Variants in SNUPN observed in about 807,000 individuals in gnomAD.
The protein encoded by SNUPN is snurportin 1.
Under a neutral mutation model 39.2 loss-of-function variants are expected in SNUPN, and 31 were observed. The ratio of observed to expected loss-of-function variants is 0.79; its 90% CI spans 0.59 to 1.07. The LOEUF is 1.07. Among genes scored for constraint, SNUPN ranks in the 50% least tolerant of loss-of-function variants. SNUPN has a pLI of 0.00. For missense variants in SNUPN, 382 were observed against 434.2 expected (o/e 0.88, Z 1.07); for synonymous variants, 132 against 159.0 (o/e 0.83, Z 1.28).
At chr15:75,611,453 C>A (rs977147336) in intron 3 of SNUPN, among the ~76,000 whole-genome samples, 1 of 151,466 alleles carries the variant, frequency 6.6e-6, no homozygotes, top group Non-Finnish European at 1.5e-5. Flanking sequence ...GGGGTTTCAC[C>A]GTGTTAGCCA....
At chr15:75,615,257 A>G (rs1380388389) in intron 3 of SNUPN, among the ~76,000 whole-genome samples, 4 of 152,158 alleles carry the variant, frequency 2.6e-5, no homozygotes, top group African/African-American at 9.6e-5. Flanking sequence ...TCCTGGCCTT[A>G]GCCTCCCAAA....
chr15:75,610,095 A>G (rs1411586281), intron 3 of SNUPN, 101 bp from the exon 4 acceptor site: 1 of 915,394 alleles, frequency 1.1e-6, no homozygotes, highest in East Asian at 2.6e-5. Flanking sequence ...TAAAAACCTG[A>G]GTGAAAGAAT....
intron 3 of SNUPN, among the ~76,000 whole-genome samples, chr15:75,615,381 C>T (rs1308542206): frequency 6.6e-6 from 1 of 152,104 alleles, no homozygotes; most frequent in East Asian, 1.9e-4. Flanking sequence ...TCTACCCTAA[C>T]TGGCCTGCAA....
At chr15:75,624,063 G>C (rs1893150363) in intron 1 of SNUPN, among the ~76,000 whole-genome samples, 1 of 148,108 alleles carries the variant, frequency 6.8e-6, no homozygotes, top group African/African-American at 2.5e-5. Flanking sequence ...AAGTAGCTGG[G>C]ACTACAGGCG....
chr15:75,608,689 C>T (rs1044429743), intron 5 of SNUPN, among the ~76,000 whole-genome samples: 2 of 152,114 alleles, frequency 1.3e-5, no homozygotes, highest in South Asian at 2.1e-4. Flanking sequence ...TCTGTTGTCC[C>T]GTAATAGAAG....
Position 75,603,428 on chromosome 15 carries a change from G to A in SNUPN, c.678+1722C>T, listed in dbSNP as rs531088165. ...TGTAATCCCAGCACTTTGGGAGGCT[G>A]AGGCAGGCAGATCACAAGGTCAGGA... On this transcript the variant is annotated intron_variant, in intron 7 of 8. Coordinates refer to ENST00000308588, the MANE Select transcript of SNUPN (RefSeq NM_005701.4). Among the ~76,000 whole-genome samples the A allele has an allele frequency of 7.3e-5, 11 of 150,216 alleles. No individual in the cohort carries two copies. The East Asian group carries it at 1.4e-3, about 19-fold the overall frequency.
At chr15:75,611,283 C>T (rs1208907297) in intron 3 of SNUPN, among the ~76,000 whole-genome samples, 9 of 149,716 alleles carry the variant, frequency 6.0e-5, no homozygotes, top group African/African-American at 9.8e-5. Flanking sequence ...GATGGAGTCT[C>T]GCTCTGTCGC....
chr15:75,624,725 G>A (rs933116747), intron 1 of SNUPN: 9 of 1,273,366 alleles, frequency 7.1e-6, no homozygotes, highest in Non-Finnish European at 5.1e-6. Context: ...CTTCCTTCAA[G>A]GCTGTTCTTG....
intron 7 of SNUPN, among the ~76,000 whole-genome samples, chr15:75,604,808 G>A (rs935586949): frequency 2.0e-5 from 3 of 149,800 alleles, no homozygotes; most frequent in African/African-American, 4.9e-5. Context: ...CTTTTGTGGT[G>A]ATTTCTGAGA....
intron 5 of SNUPN, among the ~76,000 whole-genome samples, chr15:75,608,461 A>C (rs1174538492): frequency 6.6e-6 from 1 of 152,188 alleles, no homozygotes; most frequent in East Asian, 1.9e-4. Flanking sequence ...TAGAGAAGAA[A>C]GCAAGCCCAG....
intron 6 of SNUPN, among the ~76,000 whole-genome samples, chr15:75,606,549 C>G (rs4371118): frequency 0.36 from 54,196 of 151,870 alleles, 10,994 homozygotes; most frequent in African/African-American, 0.54. Context: ...GGAGAGTGTT[C>G]TTAACAGGGA....
At chr15:75,615,561 C>A (rs888771536) in intron 3 of SNUPN, among the ~76,000 whole-genome samples, 1 of 151,832 alleles carries the variant, frequency 6.6e-6, no homozygotes, top group African/African-American at 2.4e-5. Context: ...TGATTTCACA[C>A]CCCCTCCTTC....
At chr15:75,603,937 C>T (rs1676214963) in intron 7 of SNUPN, among the ~76,000 whole-genome samples, 1 of 152,072 alleles carries the variant, frequency 6.6e-6, no homozygotes, top group African/African-American at 2.4e-5. Context: ...CTTTCATCTT[C>T]CCATCTGTAA....
rs758707379 is a variant in SNUPN, at chr15:75,620,921, C to T, written c.131G>A (p.Arg44His). The change falls in exon 2 of 9, where the codon CGC (arginine) becomes CAC (histidine). Residue 44 changes from arginine (R) to histidine (H), a missense_variant. Coordinates refer to ENST00000308588, the MANE Select transcript of SNUPN (RefSeq NM_005701.4). ...KYSSLEQSERRRRLLELQKSK... is the reference protein window; with the variant it reads ...KYSSLEQSERHRRLLELQKSK... ...TTTCTGCAGTTCCAGTAACCTCCGG[C>T]GGCGCTCACTCTGCTCCAAGGAACT... is the stretch of plus-strand genomic sequence containing the variant. The T allele has an allele frequency of 8.1e-6, 13 of 1,613,298 alleles. No homozygotes were observed. Among genetic ancestry groups the T allele is most frequent in the African/African-American group, 2.7e-5 (2 of 74,856 alleles).
intron 3 of SNUPN, among the ~76,000 whole-genome samples, chr15:75,613,416 G>A (rs1183060222): frequency 6.6e-6 from 1 of 151,424 alleles, no homozygotes. Context: ...AGGCCGAGGT[G>A]GGCGGATCAC....
chr15:75,624,806 CT>C, intron 1 of SNUPN: 1 of 1,168,234 alleles, frequency 8.6e-7, no homozygotes, highest in Non-Finnish European at 1.1e-6. Flanking sequence ...GAGTTTCGCT[CT>C]TGTTGCCCAG....
rs764781095 is a variant in SNUPN at position 75,598,642 on chromosome 15, T to G, written c.799A>C (p.Ser267Arg). ...LLFYHKQTHY[S>R]PGSTPLVGWL... ...CCCACCAAGGGAGTGCTTCCGGGGCTGTAGTGGGTCTGTTTGTGGTAGAAG... is the reference window on the plus strand; with the variant it reads ...CCCACCAAGGGAGTGCTTCCGGGGCGGTAGTGGGTCTGTTTGTGGTAGAAG... Residue 267 changes from serine (S) to arginine (R), a missense_variant, in exon 9 of 9, where the codon AGC becomes CGC. Physicochemically the swap from Ser to Arg is moderately radical, Grantham distance 110. Transcript: ENST00000308588. 6.2e-7 allele frequency: 1 copy of G among 1,610,552 alleles called. No homozygotes were observed. The highest frequency in any genetic ancestry group is 1.7e-5 in the Admixed American group (1 of 59,966).
intron 1 of SNUPN, 108 bp from the exon 2 acceptor site, chr15:75,621,164 CTT>C (rs1893059567): frequency 2.8e-6 from 3 of 1,076,514 alleles, no homozygotes; most frequent in South Asian, 1.6e-5. Context: ...AAAAAATTAA[CTT>C]AATGCAAAAT....
At chr15:75,599,325 C>T (rs2075266784) in intron 8 of SNUPN, among the ~76,000 whole-genome samples, 1 of 152,208 alleles carries the variant, frequency 6.6e-6, no homozygotes, top group Admixed American at 6.5e-5. Context: ...TTAAAACACA[C>T]AGTGAGTAGG....
Sources: gnomAD v4.1 joint callset for allele counts (sites outside exome capture counted in the v4.1 genomes callset) on GRCh38, gnomAD v4.1.1 for gene constraint, MANE v1.5 for transcripts, NCBI Gene and HGNC (gene_info 2026-07-23, HGNC 2026-07-21) for gene names.